SLC22A8: variants seen among roughly 807,000 people sequenced by gnomAD.
SLC22A8 encodes solute carrier family 22 member 8.
A neutral mutation model predicts 48.4 loss-of-function variants in SLC22A8; 40 were observed. The ratio of observed to expected loss-of-function variants is 0.83; its 90% CI spans 0.64 to 1.08. The LOEUF is 1.08. Ranked by LOEUF, SLC22A8 falls within the 50% of genes least tolerant of loss-of-function variation. The pLI, the probability that SLC22A8 is intolerant of heterozygous loss-of-function variation, is 0.00. For synonymous variants in SLC22A8, 268 were observed against 286.3 expected (o/e 0.94, Z 0.65); for missense variants, 606 against 699.0 (o/e 0.87, Z 1.50).
In SLC22A8 at chr11:63,014,796, C is replaced by T; in HGVS notation, c.163G>A (p.Ala55Thr). 1.2e-6 allele frequency: 2 copies of T among 1,613,064 alleles called. No homozygotes were observed. The highest frequency in any genetic ancestry group is 1.7e-6 in the Non-Finnish European group (2 of 1,179,142). Residue 55 changes from alanine (A) to threonine (T), a missense_variant, in exon 2 of 11, where the codon GCC (alanine) becomes ACC (threonine). Ala to Thr is a moderately conservative substitution (Grantham distance 58). Transcript: ENST00000336232. Reference sequence around the variant, plus strand: ...GGGAGCACCCAAGGCCCTGTGGAGGCATTGTGGGGCGGGCGACAGTGGTGG... The same window carrying T: ...GGGAGCACCCAAGGCCCTGTGGAGGTATTGTGGGGCGGGCGACAGTGGTGG... ...PVHHCRPPHNASTGPWVLPMG... is the reference protein window; with the variant it reads ...PVHHCRPPHNTSTGPWVLPMG...
At chr11:63,015,415 G>A (rs2086663309) in intron 1 of SLC22A8, among the ~76,000 whole-genome samples, 1 of 152,240 alleles carries the variant, frequency 6.6e-6, no homozygotes, top group Non-Finnish European at 1.5e-5. Context: ...CAGGGACCAA[G>A]GGGCCCAGCC....
intron 2 of SLC22A8, among the ~76,000 whole-genome samples, chr11:63,004,555 TC>T (rs2086533693): frequency 6.6e-6 from 1 of 152,218 alleles, no homozygotes; most frequent in Non-Finnish European, 1.5e-5. Flanking sequence ...AATGTTATCT[TC>T]TCAGTGAGAC....
At chr11:63,011,442 G>A (rs898625392) in intron 2 of SLC22A8, among the ~76,000 whole-genome samples, 3 of 152,128 alleles carry the variant, frequency 2.0e-5, no homozygotes, top group Non-Finnish European at 4.4e-5. Flanking sequence ...CTGTGTTTTT[G>A]GAGGACATGG....
chr11:63,007,532 G>A (rs1051334503), intron 2 of SLC22A8, among the ~76,000 whole-genome samples: 6 of 152,034 alleles, frequency 3.9e-5, no homozygotes, highest in Non-Finnish European at 8.8e-5. Context: ...CACCATGTTG[G>A]ACTAGGCTGG....
In SLC22A8 at chr11:63,003,486, G is replaced by A. The variant is rs7109056; in HGVS notation, c.334-2663C>T. On this transcript the variant is annotated intron_variant, in intron 2 of 10. Transcript: ENST00000336232. ...GAGATGGAGGAGGGACAAAGGTAAA[G>A]GAAGAAGCAAGGGGGTGTGAGGTGG... Among the ~76,000 whole-genome samples the A allele has an allele frequency of 8.0e-3, 1,224 of 152,218 alleles. 19 individuals carry two copies. The highest frequency in any genetic ancestry group is 0.028 in the African/African-American group (1,167 of 41,522).
At chr11:62,995,491 C>G in intron 7 of SLC22A8, 1 of 579,778 alleles carries the variant, frequency 1.7e-6, no homozygotes, top group Non-Finnish European at 3.1e-6. Context: ...GGCATTGTGA[C>G]CCCAGAGGGA....
In SLC22A8 at chr11:62,999,609, G is replaced by A. The variant is rs2086466430; in HGVS notation, c.592+79C>T. On this transcript the variant is annotated intron_variant, in intron 4 of 10. Transcript: ENST00000336232. ...AAGGTCACAGGGAGCCTGTGGTTGA[G>A]CCAGACCCAGACCCCATTCTCTTTT... The A allele has an allele frequency of 2.4e-6, 3 of 1,261,708 alleles. No homozygotes were observed. In the South Asian group the frequency reaches 5.8e-5, roughly 24 times the overall value. The allele number at this position is 1,261,708 out of a possible 1,614,324, so 78.2% of individuals were successfully genotyped here.
At chr11:63,012,374 C>G (rs1297105297) in intron 2 of SLC22A8, among the ~76,000 whole-genome samples, 1 of 152,056 alleles carries the variant, frequency 6.6e-6, no homozygotes, top group Non-Finnish European at 1.5e-5. Context: ...CTCACTAACT[C>G]TCACCTCCCA....
chr11:63,005,447 A>G (rs1270049819), intron 2 of SLC22A8, among the ~76,000 whole-genome samples: 1 of 152,238 alleles, frequency 6.6e-6, no homozygotes, highest in African/African-American at 2.4e-5. Flanking sequence ...CTCAGATCTG[A>G]GATCTGCAAC....
At chr11:63,007,667 G>A (rs1246341128) in intron 2 of SLC22A8, among the ~76,000 whole-genome samples, 2 of 152,164 alleles carry the variant, frequency 1.3e-5, no homozygotes, top group African/African-American at 4.8e-5. Context: ...TTCTTGGAAT[G>A]TAGCCGAGCC....
intron 7 of SLC22A8, 99 bp downstream of exon 7, chr11:62,995,605 T>G: frequency 1.2e-6 from 1 of 821,718 alleles, no homozygotes; most frequent in Non-Finnish European, 2.1e-6. Flanking sequence ...CTCTGACTTC[T>G]CTTTCAGATG....
intron 5 of SLC22A8, among the ~76,000 whole-genome samples, chr11:62,996,439 C>T (rs1046765074): frequency 1.3e-5 from 2 of 152,216 alleles, no homozygotes; most frequent in African/African-American, 4.8e-5. Flanking sequence ...GAGCCCCAGG[C>T]TCTAGGCCAA....
At position 62,995,699 on chromosome 11, in the gene SLC22A8, G is replaced by T. The variant is rs747006518; in HGVS notation, c.1001+5C>A. 3.1e-6 allele frequency: 5 copies of T among 1,608,196 alleles called. No homozygotes were observed. Among genetic ancestry groups the T allele is most frequent in the Middle Eastern group, 1.6e-4 (1 of 6,064 alleles). On this transcript the variant is annotated splice_donor_5th_base_variant and intron_variant, in intron 7 of 10. Coordinates refer to ENST00000336232, the MANE Select transcript of SLC22A8 (RefSeq NM_004254.4). ...GCAGGGTGTGGGCAGGGAGAGGGGG[G>T]TTACCAGGCCAGGGAAAGACAGAAG...
At position 62,999,008 on chromosome 11, in the gene SLC22A8, A is replaced by G; in HGVS notation, c.674T>C (p.Leu225Pro). 3.7e-6 allele frequency: 6 copies of G among 1,614,222 alleles called. No individual in the cohort carries two copies. Among genetic ancestry groups the G allele is most frequent in the Non-Finnish European group, 5.1e-6 (6 of 1,179,996 alleles). ...GGGGATGGCGTAGGCCAGGCCGGGC[A>G]GAATGAACTGGCCAAAGGTGTAGCA... Reference protein sequence around the residue: ...GYCYTFGQFILPGLAYAIPQW... With the variant: ...GYCYTFGQFIPPGLAYAIPQW... The change falls in exon 5 of 11, where the codon CTG becomes CCG. Residue 225 changes from leucine to proline, a missense_variant. Transcript: ENST00000336232.
In SLC22A8 at chr11:62,999,835, G is replaced by A. The variant is rs45566039; in HGVS notation, c.445C>T (p.Arg149Cys). Residue 149 changes from arginine (R) to cysteine (C), a missense_variant, in exon 4 of 11, where the codon CGC becomes TGC. By Grantham distance (180) the Arg-to-Cys change is radical. Transcript: ENST00000336232. ...VLGDLSDRFG[R>C]RPILTCSYLL... ...TAGCTGCAGGTCAGGATGGGCCTGC[G>A]GCCAAACCTGTAGCTCGAAGGAGAG... 1.6e-5 allele frequency: 25 copies of A among 1,553,782 alleles called. No individual in the cohort carries two copies. The highest frequency in any genetic ancestry group is 1.9e-5 in the Non-Finnish European group (22 of 1,148,804).
Position 62,993,871 on chromosome 11 carries a change from C to G in SLC22A8, c.1224G>C (p.Gln408His). The change falls in exon 9 of 11, where the codon CAG (glutamine) becomes CAC (histidine). Residue 408 changes from glutamine (Q) to histidine (H), a missense_variant. Gln to His is a conservative substitution (Grantham distance 24). Coordinates refer to ENST00000336232, the MANE Select transcript of SLC22A8 (RefSeq NM_004254.4). ...ACACAGCCAATACTGTCCTCACGGT[C>G]TGCAAGTCTGCAGAGGGAAGAAAAT... ...LALTFVPLDL[Q>H]TVRTVLAVFG... The G allele has an allele frequency of 6.2e-7, 1 of 1,608,180 alleles. No individual in the cohort carries two copies. The highest frequency in any genetic ancestry group is 8.5e-7 in the Non-Finnish European group (1 of 1,174,554).
chr11:63,010,163 G>A (rs896338654), intron 2 of SLC22A8, among the ~76,000 whole-genome samples: 10 of 152,166 alleles, frequency 6.6e-5, no homozygotes, highest in East Asian at 5.8e-4. Flanking sequence ...CTGTGCTTGC[G>A]TTATCCCCGT....
chr11:63,003,614 AAT>A (rs2086522847), intron 2 of SLC22A8, among the ~76,000 whole-genome samples: 1 of 152,190 alleles, frequency 6.6e-6, no homozygotes, highest in Non-Finnish European at 1.5e-5. Flanking sequence ...TGTTCACCTA[AAT>A]TCATTCACCC....
chr11:62,995,847 C>T (rs1464735607), intron 6 of SLC22A8, 28 bp from the exon 7 acceptor site: 1 of 1,562,650 alleles, frequency 6.4e-7, no homozygotes, highest in Admixed American at 1.7e-5. Flanking sequence ...GGAGGGGTGC[C>T]ATTAATGACC....
Sources: gnomAD v4.1 joint callset for allele counts (sites outside exome capture counted in the v4.1 genomes callset) on GRCh38, gnomAD v4.1.1 for gene constraint, MANE v1.5 for transcripts, NCBI Gene and HGNC (gene_info 2026-07-23, HGNC 2026-07-21) for gene names.